Variants in GLB1L2 observed in about 807,000 individuals in gnomAD.
GLB1L2 encodes the protein beta-galactosidase-1-like protein 2.
Under a neutral mutation model 84.1 loss-of-function variants are expected in GLB1L2, and 68 were observed. That is an observed-to-expected ratio of 0.81 (90% CI 0.67 to 0.99). GLB1L2 has a LOEUF of 0.99. GLB1L2 is among the 50% of genes least tolerant of loss of function. The probability of loss-of-function intolerance (pLI) is 0.00; values close to 1 mark genes in which losing one functional copy is unlikely to be tolerated. For synonymous variants in GLB1L2, 290 were observed against 318.0 expected (o/e 0.91, Z 0.94); for missense variants, 762 against 805.6 (o/e 0.95, Z 0.66).
intron 1 of GLB1L2, 151 bp downstream of exon 1, chr11:134,332,298 G>C (rs897740053): frequency 3.6e-6 from 2 of 556,450 alleles, no homozygotes; most frequent in East Asian, 3.4e-5. Context: ...ATACCCCCGA[G>C]TTCCCCTGCG....
chr11:134,368,810 G>A, intron 10 of GLB1L2, 29 bp downstream of exon 10: 2 of 1,611,138 alleles, frequency 1.2e-6, no homozygotes, highest in Non-Finnish European at 1.7e-6. Context: ...TGCTCTCCCT[G>A]GTCTGCCCTG....
At chr11:134,367,426 C>T in intron 9 of GLB1L2, 85 bp downstream of exon 9, 1 of 1,139,014 alleles carries the variant, frequency 8.8e-7, no homozygotes, top group Non-Finnish European at 1.3e-6. Flanking sequence ...CTAATGTAAG[C>T]CATAGGGGGT....
At chr11:134,355,994 C>T (rs1481964952) in intron 5 of GLB1L2, 3 of 528,126 alleles carry the variant, frequency 5.7e-6, no homozygotes, top group Non-Finnish European at 1.1e-5. Flanking sequence ...GTGAAAACAT[C>T]ATACAATTTT....
At chr11:134,371,613 A>G (rs775921145) in intron 14 of GLB1L2, 121 bp downstream of exon 14, 67 of 1,024,226 alleles carry the variant, frequency 6.5e-5, no homozygotes, top group Non-Finnish European at 9.2e-5. Context: ...GTAGGTGGAG[A>G]GGGCGAGTGT....
In GLB1L2 at chr11:134,344,486, C is replaced by T. The variant is rs111433290; in HGVS notation, c.353+31C>T. 257,550 of 1,533,764 alleles carry T rather than the reference C, an allele frequency of 0.17. 21,812 individuals are homozygous for T. The highest frequency in any genetic ancestry group is 0.37 in the African/African-American group (25,678 of 69,026). ...TGGTGTTGCTGCTTCTGTGAACTGG[C>T]CAGGGGCAGGGCACAGAGGTGGCTA... On this transcript the variant is annotated intron_variant, in intron 3 of 18. Transcript: ENST00000535456.
intron 1 of GLB1L2, among the ~76,000 whole-genome samples, chr11:134,335,312 G>A (rs1943367186): frequency 6.6e-6 from 1 of 151,878 alleles, no homozygotes; most frequent in Admixed American, 6.6e-5. Context: ...GGAGCTTCTG[G>A]GAGGTAATTG....
chr11:134,371,148 G>T lies in GLB1L2; in HGVS notation c.1356G>T (p.Gln452His). The change falls in exon 13 of 19, where the codon CAG (glutamine) becomes CAT (histidine). Residue 452 changes from glutamine to histidine, a missense_variant and splice_region_variant. Coordinates refer to ENST00000535456, the MANE Select transcript of GLB1L2 (RefSeq NM_001370461.1). ...ILSGHVHDRG[Q>H]VFVNTVSIGF... ...GTGGCCACGTGCATGATCGGGGGCAGGTAGGAGCTTCTCTTCTAAATTCCT... is the reference window on the plus strand; with the variant it reads ...GTGGCCACGTGCATGATCGGGGGCATGTAGGAGCTTCTCTTCTAAATTCCT... The T allele has an allele frequency of 6.2e-7, 1 of 1,614,138 alleles. No homozygotes were observed. The highest frequency in any genetic ancestry group is 8.5e-7 in the Non-Finnish European group (1 of 1,180,018).
rs1295191326 is a variant in GLB1L2 at position 134,347,544 on chromosome 11, A to G, written c.558+111A>G. Reference sequence around the variant, plus strand: ...CCTCCAGTGTTTTGAACACACGAGCAGGCTCTTCCTCACCGTCCGAGACTC... The same window carrying G: ...CCTCCAGTGTTTTGAACACACGAGCGGGCTCTTCCTCACCGTCCGAGACTC... On this transcript the variant is annotated intron_variant, in intron 5 of 18. Transcript: ENST00000535456. 5 of 751,244 alleles carry G rather than the reference A, an allele frequency of 6.7e-6. No individual in the cohort carries two copies. In the East Asian group the frequency reaches 9.9e-5, roughly 15 times the overall value. 46.5% of individuals were successfully genotyped at this position (751,244 alleles called of 1,614,324 possible). A position where few individuals can be genotyped will look rare whatever the true frequency, so the allele number is the denominator to read the frequency against.
At chr11:134,333,335 C>T (rs1315788316) in intron 1 of GLB1L2, among the ~76,000 whole-genome samples, 6 of 152,212 alleles carry the variant, frequency 3.9e-5, no homozygotes, top group Non-Finnish European at 5.9e-5. Flanking sequence ...AGCCATTCCT[C>T]TCTGAAGATT....
rs1029572645 is a variant in GLB1L2 at position 134,370,486 on chromosome 11, C to T, written c.1215+87C>T. On this transcript the variant is annotated intron_variant, in intron 12 of 18. Transcript: ENST00000535456. This position sits in a 1 kb window ranked among gnomAD's most constrained non-coding sequence, Gnocchi z 4.7. ...GGTGAGTGCTGGGGGCAGTCGTCGG[C>T]GGGAGGTGAGAGTCGTCGGGGCAGC... is the stretch of plus-strand genomic sequence containing the variant. 11 of 1,068,318 alleles carry T rather than the reference C, an allele frequency of 1.0e-5. No individual in the cohort carries two copies. The highest frequency in any genetic ancestry group is 4.7e-5 in the African/African-American group (3 of 64,228). The allele number at this position is 1,068,318 out of a possible 1,614,324, so 66.2% of individuals were successfully genotyped here.
chr11:134,367,923 G>C (rs1366829687), intron 9 of GLB1L2, among the ~76,000 whole-genome samples: 5 of 152,146 alleles, frequency 3.3e-5, no homozygotes, highest in Admixed American at 3.3e-4. Context: ...GAGCATCCCG[G>C]TGAGCATCCC....
intron 14 of GLB1L2, 46 bp downstream of exon 14, chr11:134,371,538 C>A: frequency 8.2e-7 from 1 of 1,220,010 alleles, no homozygotes; most frequent in Non-Finnish European, 1.2e-6. Flanking sequence ...CCCGCTGCTT[C>A]GAGGAAGTCT....
At position 134,356,295 on chromosome 11, in the gene GLB1L2, C is replaced by T. The variant is rs2136276623; in HGVS notation, c.559-6C>T. On this transcript the variant is annotated splice_region_variant and splice_polypyrimidine_tract_variant and intron_variant, in intron 5 of 18. Transcript: ENST00000535456. ...CAGCTCCTGGTTTTCTGTCTTTTCT[C>T]CGCAGTACAAGCGTGGGGGACCTAT... is the stretch of plus-strand genomic sequence containing the variant. The T allele has an allele frequency of 4.3e-6, 7 of 1,612,900 alleles. No homozygotes were observed. In the East Asian group the frequency reaches 1.3e-4, roughly 31 times the overall value.
At chr11:134,369,696 A>C in intron 10 of GLB1L2, 109 bp from the exon 11 acceptor site, 2 of 871,860 alleles carry the variant, frequency 2.3e-6, no homozygotes. Flanking sequence ...TTGCCTCCCC[A>C]ATGGCTGAGA....
rs1205713844 is a variant in GLB1L2, at chr11:134,375,087, G to C, written c.*29G>C. 1.9e-6 allele frequency: 3 copies of C among 1,582,106 alleles called. No homozygotes were observed. Among genetic ancestry groups the C allele is most frequent in the African/African-American group, 2.7e-5 (2 of 74,404 alleles). On this transcript the variant is annotated 3_prime_UTR_variant, in exon 19 of 19. Coordinates refer to ENST00000535456, the MANE Select transcript of GLB1L2 (RefSeq NM_001370461.1). The stretch of plus-strand genomic sequence containing the variant: ...GTGGCACCCCCTCCTGCTGGTGCCA[G>C]TGGGAGACTGCCGCCTCCTCTTGAC...
chr11:134,369,754 T>A, intron 10 of GLB1L2, 51 bp from the exon 11 acceptor site: 1 of 1,511,026 alleles, frequency 6.6e-7, no homozygotes, highest in African/African-American at 1.4e-5. Context: ...TCGTGCTACA[T>A]GTGCTGTGCT....
intron 15 of GLB1L2, chr11:134,372,430 G>C (rs1943967881): frequency 6.6e-6 from 1 of 152,002 alleles, no homozygotes; most frequent in South Asian, 2.1e-4. Context: ...TTTCACCCAG[G>C]CCAGACTGCA....
At chr11:134,367,990 C>T (rs546283012) in intron 9 of GLB1L2, among the ~76,000 whole-genome samples, 100 of 152,298 alleles carry the variant, frequency 6.6e-4, no homozygotes, top group African/African-American at 2.3e-3. Context: ...AGGGGCTCCT[C>T]GGCACCGTGT....
chr11:134,347,744 A>G (rs1225696251), intron 5 of GLB1L2, among the ~76,000 whole-genome samples: 2 of 152,208 alleles, frequency 1.3e-5, no homozygotes, highest in East Asian at 1.9e-4. Context: ...TGGCATCTCC[A>G]TGGTTCCACA....
Sources: allele counts gnomAD v4.1 joint callset (sites outside exome capture counted in the v4.1 genomes callset), GRCh38; gene constraint gnomAD v4.1.1; non-coding constraint Gnocchi (gnomAD v3.1); transcripts MANE v1.5; gene names NCBI Gene and HGNC (gene_info 2026-07-23, HGNC 2026-07-21).